TMIGD2: variants seen among roughly 807,000 people sequenced by gnomAD.
The protein encoded by TMIGD2 is transmembrane and immunoglobulin domain-containing protein 2.
In TMIGD2, 18 loss-of-function variants were observed where a neutral mutation model predicts 22.6. The ratio of observed to expected loss-of-function variants is 0.80; its 90% CI spans 0.55 to 1.18. TMIGD2 has a LOEUF of 1.18. Ranked by LOEUF, TMIGD2 falls within the 50% of genes most tolerant of loss-of-function variation. The pLI, the probability that TMIGD2 is intolerant of heterozygous loss-of-function variation, is 0.00. For synonymous variants in TMIGD2, 184 were observed against 154.1 expected, an observed-to-expected ratio of 1.19 and a Z score of -1.44; for missense variants, 361 against 378.2, an observed-to-expected ratio of 0.95 and a Z score of 0.38.
At chr19:4,293,125 G>A (rs1415428421) in intron 4 of TMIGD2, among the ~76,000 whole-genome samples, 3 of 152,012 alleles carry the variant, frequency 2.0e-5, no homozygotes, top group African/African-American at 4.8e-5. Context: ...CACCATGCCT[G>A]GCTGATTTTT....
At chr19:4,294,900 T>C in intron 2 of TMIGD2, 84 bp from the exon 3 acceptor site, 1 of 1,309,878 alleles carries the variant, frequency 7.6e-7, no homozygotes, top group Non-Finnish European at 1.0e-6. Context: ...ACCTAAGTGT[T>C]CCTCCTCCTG....
intron 2 of TMIGD2, among the ~76,000 whole-genome samples, chr19:4,297,567 G>T (rs1568373837): frequency 2.6e-5 from 4 of 152,090 alleles, no homozygotes; most frequent in Non-Finnish European, 5.9e-5. Flanking sequence ...TAAAATTCTT[G>T]GATTATGGGC....
intron 4 of TMIGD2, among the ~76,000 whole-genome samples, chr19:4,294,342 A>T (rs1287419420): frequency 6.6e-6 from 1 of 152,160 alleles, no homozygotes; most frequent in Non-Finnish European, 1.5e-5. Context: ...GGCATGAGCC[A>T]CCGCGCCCAG....
At chr19:4,294,787 C>A (rs376954218) in exon 3 of TMIGD2, 4 of 1,582,132 alleles carry the variant, frequency 2.5e-6, no homozygotes, top group Non-Finnish European at 3.4e-6. Flanking sequence ...GGGAAGCTTG[C>A]GATCCGGTTT....
intron 4 of TMIGD2, among the ~76,000 whole-genome samples, chr19:4,293,514 C>T (rs941190997): frequency 1.1e-4 from 17 of 151,694 alleles, no homozygotes; most frequent in Admixed American, 2.0e-4. Context: ...CCCGCCGTGG[C>T]CTCCCAAAAT....
At chr19:4,300,200 G>C (rs895824776) in intron 1 of TMIGD2, among the ~76,000 whole-genome samples, 4 of 151,836 alleles carry the variant, frequency 2.6e-5, no homozygotes, top group African/African-American at 9.7e-5. Flanking sequence ...GGTGGAGGTT[G>C]CAGTGACCTG....
intron 1 of TMIGD2, among the ~76,000 whole-genome samples, chr19:4,299,360 G>A (rs182595323): frequency 4.6e-5 from 7 of 152,028 alleles, no homozygotes; most frequent in Non-Finnish European, 8.8e-5. Flanking sequence ...TGCCCAGGCT[G>A]GTGTTGAATT....
intron 2 of TMIGD2, among the ~76,000 whole-genome samples, chr19:4,296,558 G>A (rs59093022): frequency 0.041 from 6,241 of 152,210 alleles, 151 homozygotes; most frequent in Middle Eastern, 0.12. Flanking sequence ...TTGGACCCGC[G>A]CCCACTCCCT....
chr19:4,296,269 G>A (rs1971460411), intron 2 of TMIGD2, among the ~76,000 whole-genome samples: 1 of 152,138 alleles, frequency 6.6e-6, no homozygotes, highest in African/African-American at 2.4e-5. Context: ...GACCTGATGA[G>A]GAAAAACTAT....
chr19:4,294,094 G>A (rs530760086), intron 4 of TMIGD2, among the ~76,000 whole-genome samples: 83 of 147,372 alleles, frequency 5.6e-4, no homozygotes, highest in Non-Finnish European at 7.0e-4. Context: ...TTGAGACCGC[G>A]TCTTGCTCTG....
chr19:4,302,146 G>C (rs1016538820), intron 1 of TMIGD2, among the ~76,000 whole-genome samples, 194 bp downstream of exon 1: 1 of 152,090 alleles, frequency 6.6e-6, no homozygotes, highest in African/African-American at 2.4e-5. Context: ...GCAAGGTTTA[G>C]ATTGTATCCT....
At chr19:4,295,286 C>A (rs573509327) in intron 2 of TMIGD2, among the ~76,000 whole-genome samples, 6 of 113,030 alleles carry the variant, frequency 5.3e-5, no homozygotes, top group Non-Finnish European at 9.0e-5. Context: ...GAAGGCCAGG[C>A]GCAGTGGCTC....
In TMIGD2 at chr19:4,301,541, G is replaced by A. The variant is rs141208987; in HGVS notation, c.46+799C>T. Among the ~76,000 whole-genome samples, 40 of 152,258 alleles carry A rather than the reference G, an allele frequency of 2.6e-4. No homozygotes were observed. The East Asian group carries it at 7.4e-3, about 28-fold the overall frequency. The stretch of plus-strand genomic sequence containing the variant: ...AAAAATTAGCCAGGCGCAGTGGCGC[G>A]CGCCTGCAGTCCCAGCTACTCGGGA... On this transcript the variant is annotated intron_variant, in intron 1 of 4. Transcript: ENST00000301272.
At chr19:4,299,984 GGT>G (rs1971513893) in intron 1 of TMIGD2, among the ~76,000 whole-genome samples, 1 of 152,080 alleles carries the variant, frequency 6.6e-6, no homozygotes, top group Non-Finnish European at 1.5e-5. Context: ...TCATGGGCCG[GGT>G]GCAGTGGCTC....
intron 2 of TMIGD2, among the ~76,000 whole-genome samples, 174 bp downstream of exon 2, chr19:4,297,812 G>A (rs562408661): frequency 2.2e-3 from 328 of 150,784 alleles, no homozygotes; most frequent in Non-Finnish European, 3.9e-3. Context: ...CCGAGATCGC[G>A]CCCCTGCACT....
exon 5 of TMIGD2, chr19:4,292,475 G>T: frequency 2.0e-6 from 2 of 1,015,900 alleles, no homozygotes; most frequent in Non-Finnish European, 3.1e-6. Context: ...GACCTCAAGT[G>T]TTCCACCCGC....
At chr19:4,294,480 C>T (rs1460876515) in intron 4 of TMIGD2, 99 bp downstream of exon 4, 14 of 1,165,112 alleles carry the variant, frequency 1.2e-5, no homozygotes, top group Non-Finnish European at 1.6e-5. Context: ...ATCCCTCCTC[C>T]ATCCTTCCCC....
intron 1 of TMIGD2, among the ~76,000 whole-genome samples, chr19:4,298,878 C>T (rs926127138): frequency 3.3e-5 from 5 of 152,176 alleles, no homozygotes; most frequent in Non-Finnish European, 7.3e-5. Flanking sequence ...AGATAGTCTC[C>T]AGTACTCAGC....
At chr19:4,297,222 C>G (rs376335459) in intron 2 of TMIGD2, among the ~76,000 whole-genome samples, 1 of 151,740 alleles carries the variant, frequency 6.6e-6, no homozygotes, top group Admixed American at 6.6e-5. Context: ...CTCACACCAC[C>G]ATGCCCAGCT....
Sources: gnomAD v4.1 joint callset for allele counts (sites outside exome capture counted in the v4.1 genomes callset) on GRCh38, gnomAD v4.1.1 for gene constraint, MANE v1.5 for transcripts, NCBI Gene and HGNC (gene_info 2026-07-23, HGNC 2026-07-21) for gene names.